The following ANKH variants were observed in gnomAD, a reference collection of about 807,000 sequenced individuals.
The protein encoded by ANKH is mineralization regulator ANKH.
In ANKH, 15 loss-of-function variants were observed where a neutral mutation model predicts 49.0. The ratio of observed to expected loss-of-function variants is 0.31; its 90% CI spans 0.20 to 0.47. The LOEUF is 0.47. Ranked by LOEUF, ANKH falls within the 20% of genes least tolerant of loss-of-function variation. The probability of loss-of-function intolerance (pLI) is 1.00; values close to 1 mark genes in which losing one functional copy is unlikely to be tolerated. For synonymous variants in ANKH, 273 were observed against 260.0 expected (o/e 1.05, Z -0.48); for missense variants, 429 against 652.0 (o/e 0.66, Z 3.72).
chr5:14,746,232 A>C (rs1369993501), intron 6 of ANKH, among the ~76,000 whole-genome samples: 1 of 151,712 alleles, frequency 6.6e-6, no homozygotes, highest in Non-Finnish European at 1.5e-5. Flanking sequence ...GATGCGTCAC[A>C]TTTTACGCAG....
rs1218081509 is a variant in ANKH at position 14,705,219 on chromosome 5, CA to C, written c.*5977del. 1 of 151,766 alleles carries C rather than the reference CA, an allele frequency of 6.6e-6. No homozygotes were observed. Among genetic ancestry groups the C allele is most frequent in the Non-Finnish European group, 1.5e-5 (1 of 67,986 alleles). 9.4% of individuals were successfully genotyped at this position (151,766 alleles called of 1,614,324 possible). A position where few individuals can be genotyped will look rare whatever the true frequency, so the allele number is the denominator to read the frequency against. On this transcript the variant is annotated 3_prime_UTR_variant, in exon 12 of 12. Coordinates refer to ENST00000284268, the MANE Select transcript of ANKH (RefSeq NM_054027.6). ...ACCCACAGTTTTGATGTGAAACTGA[CA>C]AACCTATGGGCTGACAGCCACAGCC...
Position 14,710,164 on chromosome 5 carries a change from C to A in ANKH, c.*1033G>T, listed in dbSNP as rs1019728142. On this transcript the variant is annotated 3_prime_UTR_variant, in exon 12 of 12. Transcript: ENST00000284268. The stretch of plus-strand genomic sequence containing the variant: ...GTAGTACATTCTCAATTACCTGTAC[C>A]GCAGAGTTATGACTAAGGATAGCAG... 1 of 152,134 alleles carries A rather than the reference C, an allele frequency of 6.6e-6. No individual in the cohort carries two copies. The highest frequency in any genetic ancestry group is 6.5e-5 in the Admixed American group (1 of 15,286). 9.4% of individuals were successfully genotyped at this position (152,134 alleles called of 1,614,324 possible). A position where few individuals can be genotyped will look rare whatever the true frequency, so the allele number is the denominator to read the frequency against.
intron 1 of ANKH, among the ~76,000 whole-genome samples, chr5:14,828,148 T>A (rs1173396200): frequency 6.6e-6 from 1 of 151,872 alleles, no homozygotes; most frequent in East Asian, 1.9e-4. Context: ...TGATGAGGAG[T>A]GTGTGACAGG....
intron 1 of ANKH, among the ~76,000 whole-genome samples, chr5:14,849,132 T>G (rs911494294): frequency 5.3e-5 from 8 of 152,190 alleles, no homozygotes; most frequent in Non-Finnish European, 5.9e-5. Flanking sequence ...CTTACTTCCA[T>G]CCTTTTCCCT....
intron 1 of ANKH, among the ~76,000 whole-genome samples, chr5:14,867,155 CAAAAAA>C (rs774841903): frequency 3.5e-4 from 24 of 69,278 alleles, no homozygotes; most frequent in African/African-American, 1.1e-3. Context: ...GACTCAGTCT[CAAAAAA>C]AAAAAAAAAA....
chr5:14,779,571 A>G (rs1739742964), intron 1 of ANKH, among the ~76,000 whole-genome samples: 1 of 152,252 alleles, frequency 6.6e-6, no homozygotes, highest in Admixed American at 6.5e-5. Context: ...ACTTAGCACA[A>G]TGCTTGAAAC....
At chr5:14,743,775 T>C (rs1580025255) in intron 7 of ANKH, among the ~76,000 whole-genome samples, 1 of 152,202 alleles carries the variant, frequency 6.6e-6, no homozygotes, top group Non-Finnish European at 1.5e-5. Flanking sequence ...GGATTTGGAG[T>C]AACTCGAAGT....
intron 1 of ANKH, among the ~76,000 whole-genome samples, chr5:14,819,417 G>A (rs1741133710): frequency 6.6e-6 from 1 of 152,194 alleles, no homozygotes; most frequent in South Asian, 2.1e-4. Context: ...AGCCCTCTGG[G>A]TAGGGGCTAA....
intron 1 of ANKH, among the ~76,000 whole-genome samples, chr5:14,849,042 T>C (rs1742052899): frequency 1.3e-5 from 2 of 152,184 alleles, no homozygotes; most frequent in Non-Finnish European, 1.5e-5. Context: ...TAAAGGTGGG[T>C]GTGGTCACCT....
intron 1 of ANKH, among the ~76,000 whole-genome samples, chr5:14,848,970 T>C (rs1249770828): frequency 2.6e-5 from 4 of 152,194 alleles, no homozygotes; most frequent in Non-Finnish European, 2.9e-5. Flanking sequence ...TAATTGGTAT[T>C]TTAGTGAACT....
Position 14,745,857 on chromosome 5 carries a change from C to T in ANKH, c.915+13G>A, listed in dbSNP as rs1248758189. ...AAAGCATGTTTCAGACACGACACCG[C>T]ACGGGTTCTCACCTTGTCGAAAGCA... On this transcript the variant is annotated intron_variant, in intron 7 of 11. Transcript: ENST00000284268. The surrounding 1 kb of genome is among the most constrained non-coding windows in gnomAD (Gnocchi z 4.7). 6.2e-7 allele frequency: 1 copy of T among 1,613,668 alleles called. No individual in the cohort carries two copies. Among genetic ancestry groups the T allele is most frequent in the Non-Finnish European group, 8.5e-7 (1 of 1,179,590 alleles).
At chr5:14,835,543 A>G (rs1741627663) in intron 1 of ANKH, among the ~76,000 whole-genome samples, 1 of 152,156 alleles carries the variant, frequency 6.6e-6, no homozygotes, top group Non-Finnish European at 1.5e-5. Flanking sequence ...TCCCACCCAG[A>G]AACTCTGATG....
chr5:14,850,654 G>A (rs775098418), intron 1 of ANKH, among the ~76,000 whole-genome samples: 1 of 152,218 alleles, frequency 6.6e-6, no homozygotes, highest in African/African-American at 2.4e-5. Context: ...TGAATGCCGT[G>A]ATGCACTCTC....
chr5:14,716,283 A>G (rs914245429), intron 9 of ANKH, among the ~76,000 whole-genome samples: 8 of 152,210 alleles, frequency 5.3e-5, no homozygotes, highest in African/African-American at 1.9e-4. Context: ...ACTTGAGGCC[A>G]GGAGTTCAAG....
intron 2 of ANKH, among the ~76,000 whole-genome samples, chr5:14,762,777 T>C (rs1739131837): frequency 6.6e-6 from 1 of 151,932 alleles, no homozygotes. Context: ...TTGCATAGAG[T>C]CCATAATTAC....
rs989713590 is a variant in ANKH, at chr5:14,710,971, C to G, written c.*226G>C. ...GGCAGGGGTATGAAGTCAGTTGTTT[C>G]GTTTGTTTTTACATAGCAACAGTAA... On this transcript the variant is annotated 3_prime_UTR_variant, in exon 12 of 12. Transcript: ENST00000284268. 1 of 537,002 alleles carries G rather than the reference C, an allele frequency of 1.9e-6. No individual in the cohort carries two copies. The highest frequency in any genetic ancestry group is 3.0e-5 in the Admixed American group (1 of 33,156). The allele number at this position is 537,002 out of a possible 1,614,324, so 33.3% of individuals were successfully genotyped here. A position where few individuals can be genotyped will look rare whatever the true frequency, so the allele number is the denominator to read the frequency against.
In ANKH at chr5:14,724,605, C is replaced by T. The variant is rs78707550; in HGVS notation, c.1012-7770G>A. 2,442 of 985,186 alleles carry T rather than the reference C, an allele frequency of 2.5e-3. 53 individuals carry two copies. In the African/African-American group the frequency reaches 0.04, roughly 16 times the overall value. The allele number at this position is 985,186 out of a possible 1,614,324, so 61.0% of individuals were successfully genotyped here. On this transcript the variant is annotated intron_variant, in intron 8 of 11. Coordinates refer to ENST00000284268, the MANE Select transcript of ANKH (RefSeq NM_054027.6). The stretch of plus-strand genomic sequence containing the variant: ...GCTTGGTTTTCTGAGCTAAGAACCA[C>T]GGAAGGGGGATTTGAACCAAGACCT...
intron 1 of ANKH, chr5:14,797,461 CA>C (rs1302584589): frequency 6.2e-7 from 1 of 1,611,104 alleles, no homozygotes; most frequent in Admixed American, 1.7e-5. Context: ...TTATGTGACT[CA>C]AAGGAATGCA....
At chr5:14,803,099 A>T (rs990250375) in intron 1 of ANKH, among the ~76,000 whole-genome samples, 1 of 152,150 alleles carries the variant, frequency 6.6e-6, no homozygotes, top group Admixed American at 6.5e-5. Flanking sequence ...CCAGCATGTA[A>T]GTATATTTTA....
Sources: allele counts gnomAD v4.1 joint callset (sites outside exome capture counted in the v4.1 genomes callset), GRCh38; gene constraint gnomAD v4.1.1; non-coding constraint Gnocchi (gnomAD v3.1); transcripts MANE v1.5; gene names NCBI Gene and HGNC (gene_info 2026-07-23, HGNC 2026-07-21).